JAML: variants seen among roughly 807,000 people sequenced by gnomAD.
JAML encodes the protein junctional adhesion molecule-like.
JAML carries 25 observed loss-of-function variants against 39.3 expected under a neutral mutation model. The observed-to-expected ratio is 0.64, with a 90% CI of 0.46 to 0.89. The LOEUF (loss-of-function observed/expected upper bound fraction) is 0.89. Ranked by LOEUF, JAML falls within the 40% of genes least tolerant of loss-of-function variation. JAML has a pLI of 0.00. For missense variants in JAML, 440 were observed against 486.9 expected, an observed-to-expected ratio of 0.90 and a Z score of 0.91; for synonymous variants, 162 against 179.2, an observed-to-expected ratio of 0.90 and a Z score of 0.77.
intron 4 of JAML, among the ~76,000 whole-genome samples, chr11:118,208,003 G>A (rs7101652): frequency 0.23 from 34,963 of 152,110 alleles, 4,613 homozygotes; most frequent in African/African-American, 0.36. Flanking sequence ...GGCTGAGACA[G>A]GAGGATCACT....
chr11:118,215,514 ATT>A (rs536537334), intron 1 of JAML, among the ~76,000 whole-genome samples: 1 of 144,694 alleles, frequency 6.9e-6, no homozygotes, highest in African/African-American at 2.5e-5. Context: ...CACACTTGCT[ATT>A]TTTTTTTTTT....
Position 118,200,503 on chromosome 11 carries a change from C to T in JAML, c.882G>A (p.Leu294=), listed in dbSNP as rs1948763224. 2 of 1,613,980 alleles carry T rather than the reference C, an allele frequency of 1.2e-6. No individual in the cohort carries two copies. Among genetic ancestry groups the T allele is most frequent in the African/African-American group, 2.7e-5 (2 of 74,884 alleles). The stretch of plus-strand genomic sequence containing the variant: ...TATTTCCACAGGTCTTCTTCACGAT[C>T]AATATCAGAACAGGGAGCAGCAGGA... ...ATILLLPVLI[L]IVKKTCGNKS... The change falls in exon 7 of 10, where the codon TTG becomes TTA. Residue 294 remains leucine, a synonymous_variant. Transcript: ENST00000356289.
At chr11:118,200,674 A>G (rs1304458279) in intron 6 of JAML, 62 bp from the exon 7 acceptor site, 2 of 1,591,134 alleles carry the variant, frequency 1.3e-6, no homozygotes, top group Non-Finnish European at 1.7e-6. Flanking sequence ...TGAGAGCCCC[A>G]CAGCCCTATA....
Position 118,210,647 on chromosome 11 carries a change from T to A in JAML, c.264A>T (p.Val88=), listed in dbSNP as rs759049052. The A allele has an allele frequency of 6.2e-7, 1 of 1,614,180 alleles. No individual in the cohort carries two copies. The highest frequency in any genetic ancestry group is 8.5e-7 in the Non-Finnish European group (1 of 1,180,004). ...TGCATAAGATGTCCCCCATCAAGTG[T>A]ACGCGGTTCTGGAAGCGCCCAATAG... ...SVPIGRFQNR[V]HLMGDILCND... The change falls in exon 4 of 10, where the codon GTA becomes GTT. Residue 88 remains valine (V), a synonymous_variant. Coordinates refer to ENST00000356289, the MANE Select transcript of JAML (RefSeq NM_001098526.2).
At chr11:118,219,932 C>T (rs1375107420) in intron 1 of JAML, among the ~76,000 whole-genome samples, 1 of 152,242 alleles carries the variant, frequency 6.6e-6, no homozygotes, top group Non-Finnish European at 1.5e-5. Flanking sequence ...CTGAAACAAA[C>T]TCTAGTATCC....
intron 6 of JAML, chr11:118,203,031 A>T (rs1565476454): frequency 2.2e-6 from 1 of 461,434 alleles, no homozygotes; most frequent in East Asian, 6.8e-5. Flanking sequence ...GCTTAGGATC[A>T]TTTCCCGCTC....
At chr11:118,216,006 A>G (rs1158872116) in intron 1 of JAML, among the ~76,000 whole-genome samples, 1 of 152,130 alleles carries the variant, frequency 6.6e-6, no homozygotes, top group Admixed American at 6.5e-5. Context: ...TGTTTTTTGC[A>G]TTAACAGCAA....
rs566793297 is a variant in JAML at position 118,220,384 on chromosome 11, G to A, written c.-21+4557C>T. Among the ~76,000 whole-genome samples the A allele has an allele frequency of 3.2e-3, 483 of 152,324 alleles. 1 individual carries two copies. Among genetic ancestry groups the A allele is most frequent in the Admixed American group, 4.6e-3 (70 of 15,302 alleles). On this transcript the variant is annotated intron_variant, in intron 1 of 9. Transcript: ENST00000356289. ...CCTCAGCGAGAAGCCTCAAGAGAAAGCAGTTTGTGTCCCCAGCGGACATTA... is the reference window on the plus strand; with the variant it reads ...CCTCAGCGAGAAGCCTCAAGAGAAAACAGTTTGTGTCCCCAGCGGACATTA...
At chr11:118,209,796 C>T (rs1949007593) in intron 4 of JAML, among the ~76,000 whole-genome samples, 2 of 152,228 alleles carry the variant, frequency 1.3e-5, no homozygotes, top group African/African-American at 4.8e-5. Context: ...ACCTCGGGCT[C>T]CCAAAGTGCT....
Position 118,194,091 on chromosome 11 carries a change from T to C in JAML, c.*234A>G. The C allele has an allele frequency of 2.1e-6, 1 of 484,882 alleles. No individual in the cohort carries two copies. The highest frequency in any genetic ancestry group is 3.8e-6 in the Non-Finnish European group (1 of 263,638). The allele number at this position is 484,882 out of a possible 1,614,324, so 30.0% of individuals were successfully genotyped here. A position where few individuals can be genotyped will look rare whatever the true frequency, so the allele number is the denominator to read the frequency against. The stretch of plus-strand genomic sequence containing the variant: ...AGCTCAGCCTGGTTCCCAGGGCCAG[T>C]GTCCCACTCCAGAGGCCAAGTCCAT... On this transcript the variant is annotated 3_prime_UTR_variant, in exon 10 of 10. Transcript: ENST00000356289.
chr11:118,195,038 A>G (rs1245857530), intron 9 of JAML, among the ~76,000 whole-genome samples: 6 of 152,224 alleles, frequency 3.9e-5, no homozygotes, highest in Admixed American at 6.5e-5. Flanking sequence ...ATCGCCTAGC[A>G]TTAAACCTGG....
At chr11:118,213,469 G>A (rs949731867) in intron 2 of JAML, 5 of 176,252 alleles carry the variant, frequency 2.8e-5, no homozygotes, top group Non-Finnish European at 4.3e-5. Flanking sequence ...GGACACAAAA[G>A]AAAACATCGA....
chr11:118,214,781 G>A (rs1427325377), intron 2 of JAML, 43 bp downstream of exon 2: 4 of 1,600,156 alleles, frequency 2.5e-6, no homozygotes, highest in South Asian at 2.2e-5. Context: ...ACAGAACTCA[G>A]GAGAAATCAA....
intron 3 of JAML, 97 bp from the exon 4 acceptor site, chr11:118,210,809 CA>C: frequency 1.0e-6 from 1 of 969,294 alleles, no homozygotes; most frequent in East Asian, 2.4e-5. Context: ...GCAGAGCTAT[CA>C]TCATGATCAT....
At chr11:118,203,003 C>T (rs993938882) in intron 6 of JAML, 2 of 458,590 alleles carry the variant, frequency 4.4e-6, no homozygotes, top group Admixed American at 2.3e-5. Flanking sequence ...CCTCTCTGTT[C>T]CTGGCTGTCT....
intron 1 of JAML, among the ~76,000 whole-genome samples, chr11:118,217,792 G>C (rs1226735518): frequency 1.3e-5 from 2 of 152,206 alleles, no homozygotes; most frequent in Non-Finnish European, 2.9e-5. Context: ...TAAGAACACA[G>C]AGCAAGTGGC....
rs906052563 is a variant in JAML at position 118,213,115 on chromosome 11, T to C, written c.44-554A>G. On this transcript the variant is annotated intron_variant, in intron 2 of 9. Transcript: ENST00000356289. ...GCTTTCCTCCTGCATTTCCACTGTG[T>C]TTATCCTCTCCCTGCCTCACCCCTC... is the stretch of plus-strand genomic sequence containing the variant. The C allele has an allele frequency of 3.4e-6, 5 of 1,452,626 alleles. No individual in the cohort carries two copies. In the African/African-American group the frequency reaches 7.1e-5, roughly 21 times the overall value. 90.0% of individuals were successfully genotyped at this position (1,452,626 alleles called of 1,614,324 possible). A position where few individuals can be genotyped will look rare whatever the true frequency, so the allele number is the denominator to read the frequency against.
At chr11:118,198,334 T>C (rs73593822) in intron 7 of JAML, among the ~76,000 whole-genome samples, 4,151 of 152,274 alleles carry the variant, frequency 0.027, 215 homozygotes, top group African/African-American at 0.094. Context: ...AACTTCTCTA[T>C]TATCACTCAA....
At chr11:118,196,930 G>T in intron 8 of JAML, 109 bp from the exon 9 acceptor site, 1 of 811,262 alleles carries the variant, frequency 1.2e-6, no homozygotes, top group Non-Finnish European at 2.1e-6. Flanking sequence ...CAAACTGCTG[G>T]TTCAGAGGGT....
Sources: gnomAD v4.1 joint callset for allele counts (sites outside exome capture counted in the v4.1 genomes callset) on GRCh38, gnomAD v4.1.1 for gene constraint, MANE v1.5 for transcripts, NCBI Gene and HGNC (gene_info 2026-07-23, HGNC 2026-07-21) for gene names.